The following DIAPH3 variants were observed in gnomAD, a reference collection of about 807,000 sequenced individuals.
DIAPH3 encodes diaphanous related formin 3.
DIAPH3 carries 117 observed loss-of-function variants against 144.3 expected under a neutral mutation model. That is an observed-to-expected ratio of 0.81 (90% CI 0.70 to 0.95). DIAPH3 has a LOEUF of 0.95. Ranked by LOEUF, DIAPH3 falls within the 40% of genes least tolerant of loss-of-function variation. The pLI, the probability that DIAPH3 is intolerant of heterozygous loss-of-function variation, is 0.00. For synonymous variants in DIAPH3, 519 were observed against 488.9 expected, an observed-to-expected ratio of 1.06 and a Z score of -0.81; for missense variants, 1,421 against 1,412.7, an observed-to-expected ratio of 1.01 and a Z score of -0.09.
rs371091343 is a variant in DIAPH3, at chr13:60,119,608, G to A, written c.214-7422C>T. On this transcript the variant is annotated intron_variant, in intron 2 of 27. Transcript: ENST00000400324. ...TAAAAATACAAAAAATTAGCCGGGC[G>A]TAGTGGCGGGCGCCTGTAGTCCCAG... Among the ~76,000 whole-genome samples the A allele has an allele frequency of 2.3e-3, 339 of 150,358 alleles. 2 individuals are homozygous for A. The highest frequency in any genetic ancestry group is 7.5e-3 in the African/African-American group (309 of 41,098).
chr13:59,851,370 A>G (rs2042958625), intron 22 of DIAPH3, among the ~76,000 whole-genome samples: 2 of 152,080 alleles, frequency 1.3e-5, no homozygotes, highest in Non-Finnish European at 2.9e-5. Flanking sequence ...TGGCCTCTCT[A>G]CGACTCTTTT....
At position 59,835,807 on chromosome 13, in the gene DIAPH3, T is replaced by A. The variant is rs545336092; in HGVS notation, c.2863-2536A>T. On this transcript the variant is annotated intron_variant, in intron 23 of 27. Transcript: ENST00000400324. ...CTATTTTACTTCCTAGTCGCCACAG[T>A]TCAAAGTTCAACATACTAAATTCCT... is the stretch of plus-strand genomic sequence containing the variant. Among the ~76,000 whole-genome samples the A allele has an allele frequency of 9.2e-5, 14 of 151,918 alleles. No individual in the cohort carries two copies. The South Asian group carries it at 2.9e-3, about 31-fold the overall frequency.
At chr13:59,996,137 C>G (rs2052175497) in intron 9 of DIAPH3, among the ~76,000 whole-genome samples, 1 of 151,984 alleles carries the variant, frequency 6.6e-6, no homozygotes. Context: ...AATGAAAACA[C>G]TGGTGACTTG....
chr13:59,918,706 T>A (rs1295146488), intron 18 of DIAPH3, among the ~76,000 whole-genome samples: 1 of 152,148 alleles, frequency 6.6e-6, no homozygotes, highest in Non-Finnish European at 1.5e-5. Context: ...ACAGACTTAC[T>A]GTTGAAAGAT....
intron 4 of DIAPH3, among the ~76,000 whole-genome samples, chr13:60,048,917 G>C (rs376519907): frequency 1.3e-5 from 2 of 151,766 alleles, no homozygotes; most frequent in East Asian, 3.9e-4. Context: ...AATATACATT[G>C]CCCATATTAC....
At chr13:59,935,598 T>C (rs2048225887) in intron 17 of DIAPH3, among the ~76,000 whole-genome samples, 2 of 152,294 alleles carry the variant, frequency 1.3e-5, no homozygotes, top group South Asian at 2.1e-4. Flanking sequence ...GAGATGGCAA[T>C]AGACCGTTGG....
chr13:59,815,486 GA>G (rs1047833770), intron 24 of DIAPH3, among the ~76,000 whole-genome samples: 3 of 151,932 alleles, frequency 2.0e-5, no homozygotes, highest in African/African-American at 7.3e-5. Flanking sequence ...AAAAGCTTTA[GA>G]AAAAAACTCA....
intron 24 of DIAPH3, among the ~76,000 whole-genome samples, chr13:59,829,918 T>C (rs1566377103): frequency 6.6e-6 from 1 of 151,878 alleles, no homozygotes; most frequent in Admixed American, 6.6e-5. Context: ...AAAATTAGCC[T>C]TCACTTTATG....
intron 25 of DIAPH3, among the ~76,000 whole-genome samples, chr13:59,803,775 T>C (rs181943855): frequency 1.9e-4 from 29 of 152,306 alleles, no homozygotes; most frequent in Admixed American, 1.5e-3. Context: ...TAAGCTATGT[T>C]ATTCCAGTGA....
chr13:59,854,837 C>T lies in DIAPH3; in HGVS notation c.2737+6570G>A, dbSNP rs186995605. On this transcript the variant is annotated intron_variant, in intron 22 of 27. Coordinates refer to ENST00000400324, the MANE Select transcript of DIAPH3 (RefSeq NM_001042517.2). ...CAAACACTGTAAACTGTTAGTTTCT[C>T]GAAAAGATTAATGATGTATTGATGA... Among the ~76,000 whole-genome samples the T allele has an allele frequency of 4.1e-4, 62 of 152,196 alleles. No individual in the cohort carries two copies. The South Asian group carries it at 0.011, about 27-fold the overall frequency.
At chr13:59,981,958 T>C (rs1349231177) in intron 13 of DIAPH3, among the ~76,000 whole-genome samples, 1 of 151,552 alleles carries the variant, frequency 6.6e-6, no homozygotes, top group East Asian at 1.9e-4. Context: ...ACTGGATTGC[T>C]CCAGAGCATG....
intron 27 of DIAPH3, among the ~76,000 whole-genome samples, chr13:59,670,567 T>C (rs994294249): frequency 6.7e-6 from 1 of 150,056 alleles, no homozygotes; most frequent in African/African-American, 2.5e-5. Context: ...GAGGAAGTGC[T>C]CAAGCTGGAA....
chr13:60,132,149 A>G (rs1291494120), intron 2 of DIAPH3, among the ~76,000 whole-genome samples: 1 of 152,216 alleles, frequency 6.6e-6, no homozygotes, highest in Non-Finnish European at 1.5e-5. Context: ...CATTCATGTC[A>G]AGATCTACGT....
At chr13:59,948,326 T>C (rs1217689778) in intron 17 of DIAPH3, among the ~76,000 whole-genome samples, 4 of 152,238 alleles carry the variant, frequency 2.6e-5, no homozygotes, top group Non-Finnish European at 5.9e-5. Flanking sequence ...AGAAGGTCTT[T>C]ATTCCAAGAC....
intron 27 of DIAPH3, among the ~76,000 whole-genome samples, chr13:59,718,545 G>T (rs571209025): frequency 6.6e-6 from 1 of 152,228 alleles, no homozygotes; most frequent in South Asian, 2.1e-4. Flanking sequence ...AGGTTAATGT[G>T]CCTGTTAAGA....
chr13:59,868,450 A>G (rs1028218091), intron 21 of DIAPH3, among the ~76,000 whole-genome samples: 44 of 152,192 alleles, frequency 2.9e-4, no homozygotes, highest in African/African-American at 1.0e-3. Context: ...TACAGGAAAA[A>G]CTAACAGAAA....
chr13:59,827,167 C>T (rs1017465609), intron 24 of DIAPH3, among the ~76,000 whole-genome samples: 1 of 151,942 alleles, frequency 6.6e-6, no homozygotes, highest in Middle Eastern at 3.4e-3. Flanking sequence ...GCAACAAAAG[C>T]CAAAATTGAC....
chr13:59,886,844 GA>G (rs1427897616), intron 20 of DIAPH3, among the ~76,000 whole-genome samples: 1 of 151,538 alleles, frequency 6.6e-6, no homozygotes, highest in African/African-American at 2.4e-5. Flanking sequence ...TAGGTCAGCT[GA>G]AAAAAAGAAA....
intron 24 of DIAPH3, among the ~76,000 whole-genome samples, chr13:59,817,249 T>A (rs1001852733): frequency 1.3e-5 from 2 of 151,954 alleles, no homozygotes; most frequent in Non-Finnish European, 2.9e-5. Context: ...ACGCTTGTCT[T>A]TAATGATATT....
Sources: gnomAD v4.1 joint callset for allele counts (sites outside exome capture counted in the v4.1 genomes callset) on GRCh38, gnomAD v4.1.1 for gene constraint, MANE v1.5 for transcripts, NCBI Gene and HGNC (gene_info 2026-07-23, HGNC 2026-07-21) for gene names.